The following COL22A1 variants were observed in gnomAD, a reference collection of about 807,000 sequenced individuals.
COL22A1 encodes the protein collagen type XXII alpha 1 chain, also known as collagen alpha-1(XXII) chain.
A neutral mutation model predicts 248.9 loss-of-function variants in COL22A1; 221 were observed. The ratio of observed to expected loss-of-function variants is 0.89; its 90% CI spans 0.80 to 0.99. The LOEUF (loss-of-function observed/expected upper bound fraction) is 0.99. Among genes scored for constraint, COL22A1 ranks in the 50% least tolerant of loss-of-function variants. The probability of loss-of-function intolerance (pLI) is 0.00; values close to 1 mark genes in which losing one functional copy is unlikely to be tolerated. For missense variants in COL22A1, 2,240 were observed against 2,179.0 expected, an observed-to-expected ratio of 1.03 and a Z score of -0.56; for synonymous variants, 891 against 793.4, an observed-to-expected ratio of 1.12 and a Z score of -2.07.
At chr8:138,861,246 A>C (rs867286439) in intron 3 of COL22A1, among the ~76,000 whole-genome samples, 3 of 152,194 alleles carry the variant, frequency 2.0e-5, no homozygotes, top group Non-Finnish European at 4.4e-5. Flanking sequence ...CAAGGAGGTT[A>C]GATCTCCACT....
intron 36 of COL22A1, among the ~76,000 whole-genome samples, 190 bp from the exon 37 acceptor site, chr8:138,689,160 G>GA (rs112904374): frequency 6.9e-6 from 1 of 145,172 alleles, no homozygotes; most frequent in East Asian, 2.0e-4. Context: ...TGCTCTCCCG[G>GA]GGGGGGGGCT....
intron 11 of COL22A1, among the ~76,000 whole-genome samples, chr8:138,800,847 A>G (rs1816941810): frequency 6.6e-6 from 1 of 152,214 alleles, no homozygotes; most frequent in South Asian, 2.1e-4. Flanking sequence ...TGTCCCAGAC[A>G]TGGAGGAGAG....
intron 22 of COL22A1, among the ~76,000 whole-genome samples, chr8:138,738,807 A>C (rs1831326703): frequency 6.6e-6 from 1 of 152,110 alleles, no homozygotes; most frequent in Admixed American, 6.5e-5. Context: ...GTAAAACTTG[A>C]TATCGTCCTC....
At chr8:138,737,189 G>A (rs1350456985) in intron 23 of COL22A1, among the ~76,000 whole-genome samples, 1 of 152,174 alleles carries the variant, frequency 6.6e-6, no homozygotes, top group Non-Finnish European at 1.5e-5. Flanking sequence ...GGCGAGACAA[G>A]CCTCTTCATG....
intron 12 of COL22A1, among the ~76,000 whole-genome samples, chr8:138,793,689 G>C (rs963397089): frequency 5.3e-5 from 8 of 152,314 alleles, no homozygotes; most frequent in Admixed American, 2.0e-4. Flanking sequence ...CGCGGCATCA[G>C]ACCCTTGAAT....
At chr8:138,717,212 A>G (rs1486430155) in intron 27 of COL22A1, among the ~76,000 whole-genome samples, 6 of 152,070 alleles carry the variant, frequency 3.9e-5, no homozygotes, top group Admixed American at 3.9e-4. Context: ...CAGTGGCACC[A>G]TCTCGGCTCA....
At chr8:138,630,787 C>T in intron 49 of COL22A1, 39 bp from the exon 50 acceptor site, 1 of 1,584,012 alleles carries the variant, frequency 6.3e-7, no homozygotes, top group Non-Finnish European at 8.7e-7. Context: ...TCTTGTGCAT[C>T]TAGACAGAGG....
At chr8:138,622,833 G>A (rs576777967) in intron 52 of COL22A1, among the ~76,000 whole-genome samples, 29 of 152,178 alleles carry the variant, frequency 1.9e-4, no homozygotes, top group African/African-American at 6.3e-4. Flanking sequence ...ATTCTATGGG[G>A]TGGACAGCTC....
At chr8:138,667,026 A>G (rs976647387) in intron 41 of COL22A1, among the ~76,000 whole-genome samples, 1 of 152,208 alleles carries the variant, frequency 6.6e-6, no homozygotes, top group Non-Finnish European at 1.5e-5. Flanking sequence ...TAAGTAGAGG[A>G]GCAGGCAGTG....
At chr8:138,821,046 C>A in intron 7 of COL22A1, 90 bp downstream of exon 7, 5 of 1,379,908 alleles carry the variant, frequency 3.6e-6, no homozygotes, top group Non-Finnish European at 5.0e-6. Flanking sequence ...CTGGTTCATG[C>A]AGGTGTGGAG....
In COL22A1 at chr8:138,755,137, G is replaced by T. The variant is rs768993044; in HGVS notation, c.2031+20C>A. 4.5e-5 allele frequency: 73 copies of T among 1,612,728 alleles called. No individual in the cohort carries two copies. In the Middle Eastern group the frequency reaches 6.6e-4, roughly 15 times the overall value. ...GAGAAGCGTGCAGAGCAAACCCTGC[G>T]CAGGAGAGGGACAACTTACCCGAGC... On this transcript the variant is annotated intron_variant, in intron 21 of 64. Transcript: ENST00000303045.
At chr8:138,702,505 C>T (rs1160178535) in intron 31 of COL22A1, among the ~76,000 whole-genome samples, 1 of 152,018 alleles carries the variant, frequency 6.6e-6, no homozygotes, top group Non-Finnish European at 1.5e-5. Context: ...TGGCCAACTC[C>T]TGATACATGT....
intron 45 of COL22A1, among the ~76,000 whole-genome samples, chr8:138,651,823 G>T (rs948234542): frequency 6.6e-6 from 1 of 152,148 alleles, no homozygotes; most frequent in Non-Finnish European, 1.5e-5. Context: ...GGGTGCCCTG[G>T]TGATAGGAAG....
chr8:138,602,921 C>T (rs1818149669), intron 59 of COL22A1, among the ~76,000 whole-genome samples: 1 of 152,268 alleles, frequency 6.6e-6, no homozygotes, highest in Non-Finnish European at 1.5e-5. Flanking sequence ...AACTTTCTTT[C>T]TCCCCAGATA....
At position 138,808,614 on chromosome 8, in the gene COL22A1, C is replaced by T. The variant is rs980352506; in HGVS notation, c.1450-802G>A. Among the ~76,000 whole-genome samples the T allele has an allele frequency of 4.6e-5, 7 of 152,112 alleles. 1 individual carries two copies. In the South Asian group the frequency reaches 1.2e-3, roughly 27 times the overall value. Reference sequence around the variant, plus strand: ...GTACGTGTTCGATACATGTAAATGTCGCCAAGCTGAAAACAAATGCAACAC... The same window carrying T: ...GTACGTGTTCGATACATGTAAATGTTGCCAAGCTGAAAACAAATGCAACAC... On this transcript the variant is annotated intron_variant, in intron 9 of 64. Transcript: ENST00000303045.
intron 3 of COL22A1, among the ~76,000 whole-genome samples, chr8:138,860,245 C>A (rs1174452192): frequency 6.6e-6 from 1 of 152,146 alleles, no homozygotes; most frequent in African/African-American, 2.4e-5. Flanking sequence ...TTGATCTAAT[C>A]GATTTCTCAT....
intron 11 of COL22A1, among the ~76,000 whole-genome samples, chr8:138,797,860 ATGTTTAT>A (rs1424671857): frequency 6.6e-6 from 1 of 152,058 alleles, no homozygotes; most frequent in Non-Finnish European, 1.5e-5. Context: ...AGGTGCATAT[ATGTTTAT>A]AATTGCTATA....
At chr8:138,778,229 C>T (rs1586722485) in intron 15 of COL22A1, 124 bp downstream of exon 15, 1 of 981,930 alleles carries the variant, frequency 1.0e-6, no homozygotes, top group East Asian at 2.5e-5. Context: ...ACCAACACTT[C>T]ATTGGCATCA....
At chr8:138,866,241 A>G (rs1822882838) in intron 3 of COL22A1, among the ~76,000 whole-genome samples, 2 of 152,350 alleles carry the variant, frequency 1.3e-5, no homozygotes, top group South Asian at 4.1e-4. Context: ...AATCCCCAAG[A>G]CATCGCATAA....
Sources: gnomAD v4.1 joint callset for allele counts (sites outside exome capture counted in the v4.1 genomes callset) on GRCh38, gnomAD v4.1.1 for gene constraint, MANE v1.5 for transcripts, NCBI Gene and HGNC (gene_info 2026-07-23, HGNC 2026-07-21) for gene names.